The following UROS variants were observed in gnomAD, a reference collection of about 807,000 sequenced individuals.
UROS encodes uroporphyrinogen III synthase.
UROS carries 18 observed loss-of-function variants against 33.0 expected under a neutral mutation model. That is an observed-to-expected ratio of 0.55 (90% CI 0.38 to 0.81). The LOEUF is 0.81. UROS is among the 30% of genes least tolerant of loss of function. The pLI is 0.00. For synonymous variants in UROS, 114 were observed against 121.1 expected (o/e 0.94, Z 0.38); for missense variants, 293 against 314.9 (o/e 0.93, Z 0.53).
chr10:125,818,583 T>C (rs778909929), intron 1 of UROS, among the ~76,000 whole-genome samples: 13 of 152,152 alleles, frequency 8.5e-5, no homozygotes, highest in Non-Finnish European at 1.5e-4. Flanking sequence ...ATCAGGCTGA[T>C]TGGGAAAGAA....
At chr10:125,796,298 G>C in intron 7 of UROS, 110 bp from the exon 8 acceptor site, 1 of 1,081,760 alleles carries the variant, frequency 9.2e-7, no homozygotes, top group Non-Finnish European at 1.4e-6. Flanking sequence ...CCACCCTCCT[G>C]GAACGAGCTG....
intron 6 of UROS, among the ~76,000 whole-genome samples, chr10:125,799,109 C>A (rs953961471): frequency 1.3e-5 from 2 of 152,186 alleles, no homozygotes; most frequent in African/African-American, 2.4e-5. Flanking sequence ...CCTTTCCATC[C>A]AGTACCACCT....
chr10:125,786,344 C>T (rs1412556195), downstream of UROS, among the ~76,000 whole-genome samples: 1 of 150,068 alleles, frequency 6.7e-6, no homozygotes, highest in Non-Finnish European at 1.5e-5. Context: ...GTGGCACGAT[C>T]TCAGCTCACT....
At chr10:125,802,705 A>G (rs1184285952) in intron 6 of UROS, 3 of 1,347,246 alleles carry the variant, frequency 2.2e-6, no homozygotes, top group Non-Finnish European at 2.9e-6. Flanking sequence ...CTCATGAAAC[A>G]TTCTAGAGAA....
At chr10:125,816,314 G>A (rs1334311528) in intron 2 of UROS, 54 bp from the exon 3 acceptor site, 1 of 1,601,152 alleles carries the variant, frequency 6.2e-7, no homozygotes, top group Non-Finnish European at 8.6e-7. Flanking sequence ...TAAAATAAGG[G>A]AACATTAACA....
chr10:125,788,387 A>G (rs1431932566), downstream of UROS, among the ~76,000 whole-genome samples: 2 of 152,320 alleles, frequency 1.3e-5, no homozygotes, highest in South Asian at 2.1e-4. Context: ...AAGTCTTTCT[A>G]TATTTGAACC....
chr10:125,798,196 A>G, intron 6 of UROS, 51 bp from the exon 7 acceptor site: 1 of 1,594,354 alleles, frequency 6.3e-7, no homozygotes, highest in Non-Finnish European at 8.6e-7. Context: ...GTGCCTGTGC[A>G]CAGGGGAATG....
chr10:125,814,707 A>G (rs568837913), intron 4 of UROS, among the ~76,000 whole-genome samples: 37 of 152,196 alleles, frequency 2.4e-4, no homozygotes, highest in Non-Finnish European at 5.0e-4. Context: ...GGTGGCACTG[A>G]CCATTTTCTC....
chr10:125,791,749 G>C (rs1044874137), intron 9 of UROS: 3 of 152,184 alleles, frequency 2.0e-5, no homozygotes, highest in African/African-American at 7.2e-5. Flanking sequence ...CTATTAATAT[G>C]AGATGTCCGG....
chr10:125,817,838 T>C (rs1399463575), intron 1 of UROS, among the ~76,000 whole-genome samples: 1 of 152,138 alleles, frequency 6.6e-6, no homozygotes, highest in Non-Finnish European at 1.5e-5. Flanking sequence ...ATATTATGCC[T>C]CACATACACT....
chr10:125,793,023 TA>T (rs2133815778), intron 9 of UROS: 1 of 152,182 alleles, frequency 6.6e-6, no homozygotes, highest in East Asian at 1.9e-4. Flanking sequence ...TCAATCACTG[TA>T]GTAAGAGGCG....
intron 6 of UROS, chr10:125,802,614 G>A: frequency 9.5e-7 from 1 of 1,055,386 alleles, no homozygotes; most frequent in Non-Finnish European, 1.1e-6. Flanking sequence ...TTTACTAGCA[G>A]CAAATGGTGA....
At chr10:125,786,754 T>C (rs1156524998), downstream of UROS, among the ~76,000 whole-genome samples, 3 of 152,166 alleles carry the variant, frequency 2.0e-5, no homozygotes, top group Non-Finnish European at 4.4e-5. Context: ...TGCAGTCCCG[T>C]GGGAGGGTGA....
chr10:125,812,926 A>C (rs1852940126), intron 4 of UROS, among the ~76,000 whole-genome samples: 1 of 152,252 alleles, frequency 6.6e-6, no homozygotes, highest in Non-Finnish European at 1.5e-5. Flanking sequence ...GGCATTCATT[A>C]CATTTTTAGA....
chr10:125,799,152 T>G (rs1051582400), intron 6 of UROS, among the ~76,000 whole-genome samples: 8 of 152,222 alleles, frequency 5.3e-5, no homozygotes, highest in Non-Finnish European at 1.2e-4. Flanking sequence ...CAGGAATAAC[T>G]GCAGGCCACT....
chr10:125,816,489 A>T lies in UROS; in HGVS notation c.11T>A (p.Leu4His). Reference protein sequence around the residue: MKVLLLKDAKEDDC... With the variant: MKVHLLKDAKEDDC... Reference sequence around the variant, plus strand: ...ATCTTCCTTCGCATCCTTCAGTAAAAGAACCTTCATTATTGCCTGGCAGTC... The same window carrying T: ...ATCTTCCTTCGCATCCTTCAGTAAATGAACCTTCATTATTGCCTGGCAGTC... Residue 4 changes from leucine to histidine, a missense_variant, in exon 2 of 10, where the codon CTT (leucine) becomes CAT (histidine). Leu to His is a moderately conservative substitution (Grantham distance 99). Transcript: ENST00000368797. 6.2e-7 allele frequency: 1 copy of T among 1,614,210 alleles called. No individual in the cohort carries two copies. Among genetic ancestry groups the T allele is most frequent in the African/African-American group, 1.3e-5 (1 of 75,052 alleles).
At chr10:125,794,207 C>T in intron 9 of UROS, 1 of 388,012 alleles carries the variant, frequency 2.6e-6, no homozygotes, top group African/African-American at 2.2e-5. Context: ...TCTCTGAGCC[C>T]CGTGCTCCAT....
intron 3 of UROS, among the ~76,000 whole-genome samples, chr10:125,815,415 C>G (rs1023081498): frequency 2.0e-5 from 3 of 152,142 alleles, no homozygotes; most frequent in Non-Finnish European, 4.4e-5. Flanking sequence ...CACTGCAGCA[C>G]AGAGGGGAAG....
intron 1 of UROS, among the ~76,000 whole-genome samples, chr10:125,822,228 C>T (rs984570962): frequency 2.6e-5 from 4 of 152,158 alleles, no homozygotes; most frequent in Middle Eastern, 3.2e-3. Flanking sequence ...CAGGGGCTGG[C>T]GCTCGCTCTG....
Sources: allele counts gnomAD v4.1 joint callset (sites outside exome capture counted in the v4.1 genomes callset), GRCh38; gene constraint gnomAD v4.1.1; transcripts MANE v1.5; gene names NCBI Gene and HGNC (gene_info 2026-07-23, HGNC 2026-07-21).